Variants in CREB5 observed in about 807,000 individuals in gnomAD.
CREB5 encodes the protein cyclic AMP-responsive element-binding protein 5.
A neutral mutation model predicts 57.1 loss-of-function variants in CREB5; 19 were observed. The observed-to-expected ratio is 0.33, with a 90% CI of 0.23 to 0.49. The LOEUF is 0.49. Among genes scored for constraint, CREB5 ranks in the 20% least tolerant of loss-of-function variants. The pLI is 0.99. For missense variants in CREB5, 579 were observed against 671.6 expected (o/e 0.86, Z 1.52); for synonymous variants, 238 against 238.3 (o/e 1.00, Z 0.01).
intron 1 of CREB5, among the ~76,000 whole-genome samples, chr7:28,338,398 C>G (rs918282561): frequency 1.3e-5 from 2 of 152,094 alleles, no homozygotes; most frequent in African/African-American, 4.8e-5. Context: ...CATACTATCC[C>G]AGGGAAAAAG....
At chr7:28,660,985 C>A (rs186931543) in intron 5 of CREB5, among the ~76,000 whole-genome samples, 104 of 151,686 alleles carry the variant, frequency 6.9e-4, no homozygotes, top group East Asian at 5.2e-3. Context: ...GTGCTGTTTT[C>A]TCTATCTGAA....
chr7:28,528,659 G>A (rs370086128), intron 4 of CREB5, among the ~76,000 whole-genome samples: 4 of 140,626 alleles, frequency 2.8e-5, no homozygotes, highest in Admixed American at 1.6e-4. Context: ...AGCCGAGATC[G>A]CGCCATTGCA....
At chr7:28,345,440 C>T (rs1366762229) in intron 1 of CREB5, among the ~76,000 whole-genome samples, 3 of 152,152 alleles carry the variant, frequency 2.0e-5, no homozygotes, top group Non-Finnish European at 4.4e-5. Flanking sequence ...ACTGAGCTAA[C>T]AATGCCACTT....
intron 1 of CREB5, among the ~76,000 whole-genome samples, chr7:28,383,693 A>G (rs1787014845): frequency 6.6e-6 from 1 of 152,178 alleles, no homozygotes; most frequent in South Asian, 2.1e-4. Flanking sequence ...ACTATTCATG[A>G]GAAATCACCC....
chr7:28,759,361 T>C (rs889587603), intron 7 of CREB5, among the ~76,000 whole-genome samples: 2 of 152,168 alleles, frequency 1.3e-5, no homozygotes, highest in Non-Finnish European at 2.9e-5. Context: ...CTGCCAGCTA[T>C]GTGAACTCTG....
intron 1 of CREB5, among the ~76,000 whole-genome samples, chr7:28,301,660 C>A (rs1785099759): frequency 6.6e-6 from 1 of 152,226 alleles, no homozygotes; most frequent in African/African-American, 2.4e-5. Flanking sequence ...CTCTGGAAGA[C>A]ACAGCCTGGC....
At position 28,820,707 on chromosome 7, in the gene CREB5, T is replaced by C. The variant is rs1360169239; in HGVS notation, c.*1428T>C. 2.6e-5 allele frequency: 4 copies of C among 152,256 alleles called. No homozygotes were observed. The highest frequency in any genetic ancestry group is 5.9e-5 in the Non-Finnish European group (4 of 68,016). 9.4% of individuals were successfully genotyped at this position (152,256 alleles called of 1,614,324 possible). On this transcript the variant is annotated 3_prime_UTR_variant, in exon 11 of 11. Coordinates refer to ENST00000357727, the MANE Select transcript of CREB5 (RefSeq NM_182898.4). ...GCAGCAGCATCCTCCGAGTTCAAGC[T>C]ATCCTTCCACCTCCGCCTCCTGAGT...
intron 1 of CREB5, among the ~76,000 whole-genome samples, chr7:28,384,627 C>T (rs1787046500): frequency 1.3e-5 from 2 of 151,696 alleles, no homozygotes; most frequent in Non-Finnish European, 2.9e-5. Context: ...TGTTTAATGT[C>T]TTGGGGACTT....
chr7:28,400,589 G>A (rs930669900), intron 1 of CREB5, among the ~76,000 whole-genome samples: 4 of 152,180 alleles, frequency 2.6e-5, no homozygotes, highest in African/African-American at 9.7e-5. Context: ...GGGGAGGAGA[G>A]CCAGGTAGGG....
At chr7:28,388,975 A>T (rs1167173223) in intron 1 of CREB5, among the ~76,000 whole-genome samples, 3 of 152,196 alleles carry the variant, frequency 2.0e-5, no homozygotes, top group Non-Finnish European at 2.9e-5. Context: ...ATTTAGTTGT[A>T]ACTATTTCTT....
At chr7:28,759,309 CA>C (rs2128768484) in intron 7 of CREB5, among the ~76,000 whole-genome samples, 1 of 152,224 alleles carries the variant, frequency 6.6e-6, no homozygotes, top group South Asian at 2.1e-4. Flanking sequence ...ACAAAGAGAA[CA>C]AGCAATAAAA....
intron 7 of CREB5, among the ~76,000 whole-genome samples, chr7:28,738,636 C>A (rs1804170647): frequency 1.3e-5 from 2 of 152,204 alleles, no homozygotes; most frequent in African/African-American, 4.8e-5. Context: ...TGGACAAAGT[C>A]ATGGCTTAAT....
In CREB5 at chr7:28,496,667, G is replaced by C. The variant is rs554327980; in HGVS notation, c.169+1668G>C. Among the ~76,000 whole-genome samples the C allele has an allele frequency of 2.0e-4, 30 of 152,272 alleles. 1 individual carries two copies. The highest frequency in any genetic ancestry group is 1.8e-3 in the Admixed American group (27 of 15,290). On this transcript the variant is annotated intron_variant, in intron 3 of 10. Coordinates refer to ENST00000357727, the MANE Select transcript of CREB5 (RefSeq NM_182898.4). Reference sequence around the variant, plus strand: ...GATTCTCCCAATACTCCCGGTGTCGGAGCCACCCACACATCCAGTGACTTG... The same window carrying C: ...GATTCTCCCAATACTCCCGGTGTCGCAGCCACCCACACATCCAGTGACTTG...
intron 4 of CREB5, among the ~76,000 whole-genome samples, chr7:28,529,874 C>A (rs1048728438): frequency 5.9e-5 from 9 of 152,214 alleles, no homozygotes; most frequent in Admixed American, 5.2e-4. Context: ...AAAGTTTCTT[C>A]TACGGTGAGG....
rs150659700 is a variant in CREB5 at position 28,551,044 on chromosome 7, T to A, written c.292-19321T>A. Among the ~76,000 whole-genome samples, 19 of 152,300 alleles carry A rather than the reference T, an allele frequency of 1.2e-4. No individual in the cohort carries two copies. In the East Asian group the frequency reaches 3.1e-3, roughly 25 times the overall value. On this transcript the variant is annotated intron_variant, in intron 4 of 10. Coordinates refer to ENST00000357727, the MANE Select transcript of CREB5 (RefSeq NM_182898.4). Reference sequence around the variant, plus strand: ...TGAGAAACACATCTGTTATCAAATTTGCCAATGATTAATTTGATTCTTCCA... The same window carrying A: ...TGAGAAACACATCTGTTATCAAATTAGCCAATGATTAATTTGATTCTTCCA...
intron 4 of CREB5, among the ~76,000 whole-genome samples, chr7:28,521,376 T>G (rs531986063): frequency 6.6e-6 from 1 of 152,256 alleles, no homozygotes; most frequent in Non-Finnish European, 1.5e-5. Flanking sequence ...TTTGGTTACC[T>G]CACTTCTCCC....
At chr7:28,306,837 A>G (rs937177700) in intron 1 of CREB5, among the ~76,000 whole-genome samples, 19 of 152,136 alleles carry the variant, frequency 1.2e-4, no homozygotes, top group Non-Finnish European at 1.9e-4. Flanking sequence ...CTGGGATTAC[A>G]GGCGTGAGCC....
chr7:28,676,536 C>T (rs926713947), intron 5 of CREB5, among the ~76,000 whole-genome samples: 1 of 152,142 alleles, frequency 6.6e-6, no homozygotes, highest in Non-Finnish European at 1.5e-5. Context: ...GATAGACTGG[C>T]CCTTTCTCCT....
At chr7:28,656,377 G>A (rs1459113675) in intron 5 of CREB5, among the ~76,000 whole-genome samples, 1 of 152,148 alleles carries the variant, frequency 6.6e-6, no homozygotes, top group Non-Finnish European at 1.5e-5. Context: ...GAGTCAATGT[G>A]ATAATGTGCT....
Sources: allele counts gnomAD v4.1 joint callset (sites outside exome capture counted in the v4.1 genomes callset), GRCh38; gene constraint gnomAD v4.1.1; transcripts MANE v1.5; gene names NCBI Gene and HGNC (gene_info 2026-07-23, HGNC 2026-07-21).